Variants in PTPRE observed in about 807,000 individuals in gnomAD.
PTPRE encodes the protein receptor-type tyrosine-protein phosphatase epsilon.
A neutral mutation model predicts 102.0 loss-of-function variants in PTPRE; 51 were observed. The ratio of observed to expected loss-of-function variants is 0.50; its 90% CI spans 0.40 to 0.63. The LOEUF (loss-of-function observed/expected upper bound fraction) is 0.63, where lower values mean the gene tolerates loss of function less well. Ranked by LOEUF, PTPRE falls within the 30% of genes least tolerant of loss-of-function variation. The probability of loss-of-function intolerance (pLI) is 0.00; values close to 1 mark genes in which losing one functional copy is unlikely to be tolerated. For synonymous variants in PTPRE, 345 were observed against 348.2 expected, an observed-to-expected ratio of 0.99 and a Z score of 0.10; for missense variants, 752 against 915.1, an observed-to-expected ratio of 0.82 and a Z score of 2.30.
In PTPRE at chr10:128,008,172, A is replaced by C. The variant is rs1009477299; in HGVS notation, c.-8+25876A>C. Among the ~76,000 whole-genome samples, 1 of 152,112 alleles carries C rather than the reference A, an allele frequency of 6.6e-6. No individual in the cohort carries two copies. The highest frequency in any genetic ancestry group is 2.4e-5 in the African/African-American group (1 of 41,436). On this transcript the variant is annotated intron_variant, in intron 2 of 20. Coordinates refer to ENST00000254667, the MANE Select transcript of PTPRE (RefSeq NM_006504.6). This position sits in a 1 kb window ranked among gnomAD's most constrained non-coding sequence, Gnocchi z 4.0. ...GCCCCTGGGAAAACTGCCCAAGGGAAACAGTGCATCCACCATCTCTGTCTG... is the reference window on the plus strand; with the variant it reads ...GCCCCTGGGAAAACTGCCCAAGGGACACAGTGCATCCACCATCTCTGTCTG...
chr10:128,079,114 T>A (rs76392522), intron 19 of PTPRE, among the ~76,000 whole-genome samples: 11,986 of 152,188 alleles, frequency 0.079, 637 homozygotes, highest in East Asian at 0.15. Context: ...CATCACCTGT[T>A]TCAGAAGACA....
intron 1 of PTPRE, among the ~76,000 whole-genome samples, chr10:127,931,701 C>A (rs1435783019): frequency 6.6e-6 from 1 of 152,188 alleles, no homozygotes; most frequent in Non-Finnish European, 1.5e-5. Context: ...CTAACATATT[C>A]CAGAAAAATG....
Position 128,014,990 on chromosome 10 carries a change from G to A in PTPRE, c.-7-25885G>A, listed in dbSNP as rs182771254. 5.3e-5 allele frequency among the ~76,000 whole-genome samples: 8 copies of A among 152,266 alleles called. No individual in the cohort carries two copies. In the East Asian group the frequency reaches 7.7e-4, roughly 15 times the overall value. ...AGTGCATGCCACACCCGGTCTTCCC[G>A]AGAGAAGACAGATCTCCAGACTTTC... On this transcript the variant is annotated intron_variant, in intron 2 of 20. Transcript: ENST00000254667.
intron 1 of PTPRE, among the ~76,000 whole-genome samples, chr10:127,908,570 C>T (rs1180317266): frequency 3.3e-5 from 5 of 152,092 alleles, no homozygotes; most frequent in Non-Finnish European, 5.9e-5. Context: ...ATGGTATGGG[C>T]AGAGCTCTGT....
intron 9 of PTPRE, 70 bp from the exon 10 acceptor site, chr10:128,063,013 T>A: frequency 6.3e-7 from 1 of 1,596,224 alleles, no homozygotes; most frequent in East Asian, 2.2e-5. Context: ...ACGGCCAGGG[T>A]GCCGGGGCTG....
At position 127,907,276 on chromosome 10, in the gene PTPRE, G is replaced by A; in HGVS notation, c.-64G>A. 1.0e-6 allele frequency: 1 copy of A among 984,778 alleles called. No homozygotes were observed. Among genetic ancestry groups the A allele is most frequent in the Non-Finnish European group, 1.2e-6 (1 of 829,740 alleles). The allele number at this position is 984,778 out of a possible 1,614,324, so 61.0% of individuals were successfully genotyped here. On this transcript the variant is annotated 5_prime_UTR_variant, in exon 1 of 21. Transcript: ENST00000254667. The surrounding 1 kb of genome is among the most constrained non-coding windows in gnomAD (Gnocchi z 4.8). ...CGGGAGATGCGGAGCCTCCGCTGCA[G>A]CGCGATCTGCGCGACCAGACCGGCC...
intron 1 of PTPRE, among the ~76,000 whole-genome samples, chr10:127,973,213 G>A (rs1432239221): frequency 1.3e-5 from 2 of 152,156 alleles, no homozygotes. Flanking sequence ...AACTTTTTCA[G>A]TGGTGGGGAA....
intron 2 of PTPRE, among the ~76,000 whole-genome samples, chr10:128,019,169 T>C (rs1262940353): frequency 2.6e-5 from 4 of 152,268 alleles, no homozygotes; most frequent in Non-Finnish European, 5.9e-5. Context: ...CCATCAGGAC[T>C]TGGGAAGCTG....
chr10:127,933,112 A>C (rs1469535462), intron 1 of PTPRE, among the ~76,000 whole-genome samples: 1 of 152,186 alleles, frequency 6.6e-6, no homozygotes, highest in Non-Finnish European at 1.5e-5. Flanking sequence ...GATCCAGGAT[A>C]ATCTCCCTAC....
chr10:127,995,823 GCACACACACACA>G (rs143328396), intron 2 of PTPRE, among the ~76,000 whole-genome samples: 17 of 148,330 alleles, frequency 1.1e-4, no homozygotes, highest in East Asian at 4.0e-4. Flanking sequence ...CTCTACACGA[GCACACACACACA>G]CACACACACA....
At chr10:128,051,479 G>A (rs1315202239) in intron 6 of PTPRE, among the ~76,000 whole-genome samples, 6 of 152,236 alleles carry the variant, frequency 3.9e-5, no homozygotes, top group South Asian at 4.1e-4. Flanking sequence ...GGCTTGGGCC[G>A]ACTGATTTTC....
intron 7 of PTPRE, among the ~76,000 whole-genome samples, chr10:128,057,921 T>C (rs1163303762): frequency 6.6e-6 from 1 of 152,228 alleles, no homozygotes; most frequent in Non-Finnish European, 1.5e-5. Context: ...CTGAGATCTT[T>C]GGAATAATGT....
At chr10:127,910,496 T>G (rs976607783) in intron 1 of PTPRE, among the ~76,000 whole-genome samples, 2 of 152,198 alleles carry the variant, frequency 1.3e-5, no homozygotes, top group Admixed American at 1.3e-4. Context: ...CTCAAGTAGT[T>G]TATCTCCTCC....
chr10:127,927,131 A>G (rs927038016), intron 1 of PTPRE, among the ~76,000 whole-genome samples: 2 of 152,044 alleles, frequency 1.3e-5, no homozygotes, highest in African/African-American at 4.8e-5. Context: ...AAGAGTGACA[A>G]TGGCAGGTAG....
intron 9 of PTPRE, among the ~76,000 whole-genome samples, chr10:128,062,459 G>C (rs1354220211): frequency 6.6e-6 from 1 of 152,228 alleles, no homozygotes. Flanking sequence ...TCTCTTGCCA[G>C]CAGACACCCA....
chr10:128,055,264 G>A lies in PTPRE; in HGVS notation c.421-859G>A, dbSNP rs145397641. On this transcript the variant is annotated intron_variant, in intron 6 of 20. Coordinates refer to ENST00000254667, the MANE Select transcript of PTPRE (RefSeq NM_006504.6). ...ATTGTGGGGAGCTCACCTGAGCAGC[G>A]AGCAGACGCAGGAGACAGCTGGAGA... Among the ~76,000 whole-genome samples the A allele has an allele frequency of 4.2e-3, 641 of 152,320 alleles. 2 individuals carry two copies. Among genetic ancestry groups the A allele is most frequent in the Middle Eastern group, 6.8e-3 (2 of 294 alleles).
intron 1 of PTPRE, among the ~76,000 whole-genome samples, chr10:127,913,885 T>A (rs1364133201): frequency 1.3e-5 from 2 of 152,188 alleles, no homozygotes; most frequent in Non-Finnish European, 2.9e-5. Context: ...AGCCTTTTGG[T>A]CTGAAATCCT....
chr10:127,952,135 T>C (rs144026811), intron 1 of PTPRE, among the ~76,000 whole-genome samples: 9 of 152,314 alleles, frequency 5.9e-5, no homozygotes, highest in African/African-American at 1.9e-4. Flanking sequence ...ACAATTGTTT[T>C]CAGGAATCTT....
At chr10:127,931,292 G>T (rs1012016475) in intron 1 of PTPRE, among the ~76,000 whole-genome samples, 1 of 152,074 alleles carries the variant, frequency 6.6e-6, no homozygotes, top group East Asian at 1.9e-4. Flanking sequence ...GGTTGTTAAT[G>T]CTATATATTT....
Sources: gnomAD v4.1 joint callset for allele counts (sites outside exome capture counted in the v4.1 genomes callset) on GRCh38, gnomAD v4.1.1 for gene constraint, Gnocchi (gnomAD v3.1) non-coding constraint, MANE v1.5 for transcripts, NCBI Gene and HGNC (gene_info 2026-07-23, HGNC 2026-07-21) for gene names.